SND1: variants seen among roughly 807,000 people sequenced by gnomAD.
The protein encoded by SND1 is staphylococcal nuclease domain-containing protein 1.
Under a neutral mutation model 121.7 loss-of-function variants are expected in SND1, and 38 were observed. That is an observed-to-expected ratio of 0.31 (90% CI 0.24 to 0.41). The LOEUF is 0.41. Ranked by LOEUF, SND1 falls within the 10% of genes least tolerant of loss-of-function variation. SND1 has a pLI of 1.00. For missense variants in SND1, 868 were observed against 1,184.6 expected (o/e 0.73, Z 3.92); for synonymous variants, 401 against 447.4 (o/e 0.90, Z 1.31).
chr7:127,685,484 T>C (rs1364325739), intron 1 of SND1, among the ~76,000 whole-genome samples: 1 of 152,230 alleles, frequency 6.6e-6, no homozygotes, highest in Non-Finnish European at 1.5e-5. Context: ...CCCACCTGTT[T>C]GTTGTATTGT....
intron 1 of SND1, among the ~76,000 whole-genome samples, chr7:127,662,753 G>A (rs1344775480): frequency 6.6e-6 from 1 of 152,068 alleles, no homozygotes; most frequent in Non-Finnish European, 1.5e-5. Context: ...CAGCACCTGG[G>A]CCTTGGTAAA....
chr7:127,974,378 C>T (rs1402482517), intron 15 of SND1, among the ~76,000 whole-genome samples: 1 of 152,160 alleles, frequency 6.6e-6, no homozygotes, highest in African/African-American at 2.4e-5. Flanking sequence ...CGTTCATGCT[C>T]CTTCTTTGAT....
At chr7:127,657,845 A>C (rs536584866) in intron 1 of SND1, among the ~76,000 whole-genome samples, 67 of 152,220 alleles carry the variant, frequency 4.4e-4, no homozygotes, top group Non-Finnish European at 8.1e-4. Context: ...CAGTTCCTTC[A>C]CGTTCAGTAT....
chr7:127,719,987 C>T (rs1202321615), intron 9 of SND1, among the ~76,000 whole-genome samples: 2 of 152,130 alleles, frequency 1.3e-5, no homozygotes, highest in Non-Finnish European at 2.9e-5. Flanking sequence ...CCTTACTCTT[C>T]GGTGTGTGGT....
At chr7:127,842,985 A>G (rs915130319) in intron 11 of SND1, among the ~76,000 whole-genome samples, 2 of 152,214 alleles carry the variant, frequency 1.3e-5, no homozygotes, top group African/African-American at 4.8e-5. Flanking sequence ...TAGGAGTCCA[A>G]CAGGAATGTT....
chr7:127,798,386 GC>G (rs1023171555), intron 10 of SND1, among the ~76,000 whole-genome samples: 5 of 152,168 alleles, frequency 3.3e-5, no homozygotes, highest in African/African-American at 1.2e-4. Context: ...GCCTACTCTT[GC>G]CATTCCTGTC....
At chr7:127,909,241 A>G (rs566001883) in intron 14 of SND1, among the ~76,000 whole-genome samples, 2 of 152,098 alleles carry the variant, frequency 1.3e-5, no homozygotes, top group Non-Finnish European at 2.9e-5. Flanking sequence ...GCCATTTCAT[A>G]TTATGTAGTC....
Position 127,760,333 on chromosome 7 carries a change from CTG to C in SND1, c.1152+38935_1152+38936del, listed in dbSNP as rs371250273. On this transcript the variant is annotated intron_variant, in intron 10 of 23. Transcript: ENST00000354725. ...TAGTTCTGAGATAGTGGGAGGATAACTGTATTTAGTTCTCTGTTTGAATGCAT... is the reference window on the plus strand; with the variant it reads ...TAGTTCTGAGATAGTGGGAGGATAACTATTTAGTTCTCTGTTTGAATGCAT... Among the ~76,000 whole-genome samples, 26 of 152,274 alleles carry C rather than the reference CTG, an allele frequency of 1.7e-4. No homozygotes were observed. The East Asian group carries it at 4.1e-3, about 24-fold the overall frequency.
intron 12 of SND1, among the ~76,000 whole-genome samples, chr7:127,859,636 T>C (rs1462543175): frequency 2.0e-5 from 3 of 152,166 alleles, no homozygotes; most frequent in African/African-American, 7.2e-5. Flanking sequence ...CTGGGTAGTT[T>C]TTCATAAAAC....
rs76703113 is a variant in SND1 at position 127,992,617 on chromosome 7, A to G, written c.1779+1561A>G. ...CAAGACATCGGTTGATGGCATTCTC[A>G]TCATTTACTGTCTAAGTCAAATTTC... On this transcript the variant is annotated intron_variant, in intron 16 of 23. Coordinates refer to ENST00000354725, the MANE Select transcript of SND1 (RefSeq NM_014390.4). 7.3e-3 allele frequency among the ~76,000 whole-genome samples: 1,107 copies of G among 152,324 alleles called. 12 individuals are homozygous for G. The highest frequency in any genetic ancestry group is 0.025 in the African/African-American group (1,028 of 41,566).
intron 16 of SND1, chr7:128,028,498 T>G: frequency 1.7e-6 from 1 of 589,920 alleles, no homozygotes; most frequent in African/African-American, 1.9e-5. Context: ...AACTTACAAG[T>G]TAGAAAATAT....
intron 16 of SND1, among the ~76,000 whole-genome samples, chr7:128,044,695 A>G (rs1260180833): frequency 7.8e-6 from 1 of 127,656 alleles, no homozygotes; most frequent in Non-Finnish European, 1.6e-5. Flanking sequence ...TCCTACTCCT[A>G]AACAATTTAA....
chr7:128,077,340 G>T (rs980501503), intron 17 of SND1, among the ~76,000 whole-genome samples: 4 of 152,254 alleles, frequency 2.6e-5, no homozygotes, highest in Non-Finnish European at 4.4e-5. Flanking sequence ...CCAGGGCAGG[G>T]AGAGGAGAGG....
At chr7:128,034,242 A>G (rs149670963) in intron 16 of SND1, among the ~76,000 whole-genome samples, 41 of 152,354 alleles carry the variant, frequency 2.7e-4, no homozygotes, top group African/African-American at 9.4e-4. Flanking sequence ...AGGATGTGTC[A>G]GAGAAGTAAG....
At chr7:127,658,577 C>T (rs1795252608) in intron 1 of SND1, among the ~76,000 whole-genome samples, 1 of 152,224 alleles carries the variant, frequency 6.6e-6, no homozygotes, top group Admixed American at 6.5e-5. Flanking sequence ...TACTGCTGCT[C>T]TGGCCTCTGG....
At chr7:127,911,983 T>C (rs548116291) in intron 14 of SND1, among the ~76,000 whole-genome samples, 1 of 152,026 alleles carries the variant, frequency 6.6e-6, no homozygotes, top group Admixed American at 6.5e-5. Flanking sequence ...TCTCTCTTTC[T>C]TTTATTTCTT....
intron 16 of SND1, chr7:128,042,335 C>T (rs887594678): frequency 3.9e-5 from 6 of 152,182 alleles, no homozygotes; most frequent in African/African-American, 1.4e-4. Flanking sequence ...AAGAGGAGAC[C>T]ATCTTGGGAT....
At chr7:127,710,017 A>G (rs921638753) in intron 9 of SND1, among the ~76,000 whole-genome samples, 9 of 151,680 alleles carry the variant, frequency 5.9e-5, no homozygotes, top group Non-Finnish European at 1.5e-5. Context: ...AAAGTTGATC[A>G]TAGTGTCTGT....
intron 16 of SND1, among the ~76,000 whole-genome samples, chr7:128,021,205 A>G (rs1803341903): frequency 6.6e-6 from 1 of 152,260 alleles, no homozygotes; most frequent in Non-Finnish European, 1.5e-5. Context: ...CTTTAAGTCC[A>G]GAAATTAAGT....
Sources: gnomAD v4.1 joint callset for allele counts (sites outside exome capture counted in the v4.1 genomes callset) on GRCh38, gnomAD v4.1.1 for gene constraint, MANE v1.5 for transcripts, NCBI Gene and HGNC (gene_info 2026-07-23, HGNC 2026-07-21) for gene names.